RBM6: variants seen among roughly 807,000 people sequenced by gnomAD.
RBM6 encodes RNA-binding protein 6.
RBM6 carries 23 observed loss-of-function variants against 140.4 expected under a neutral mutation model. The observed-to-expected ratio is 0.16, with a 90% confidence interval of 0.12 to 0.23. The LOEUF (loss-of-function observed/expected upper bound fraction) is 0.23, where lower values mean the gene tolerates loss of function less well. Among genes scored for constraint, RBM6 ranks in the 10% least tolerant of loss-of-function variants. The pLI is 1.00. For synonymous variants in RBM6, 439 were observed against 475.6 expected (o/e 0.92, Z 1.00); for missense variants, 1,139 against 1,386.7 (o/e 0.82, Z 2.84).
chr3:50,048,723 G>A (rs897292668), intron 7 of RBM6, among the ~76,000 whole-genome samples: 1 of 152,042 alleles, frequency 6.6e-6, no homozygotes, highest in Non-Finnish European at 1.5e-5. Flanking sequence ...GGTTTCCAAG[G>A]GTATAGAACT....
chr3:50,003,029 T>C (rs932594824), intron 6 of RBM6, among the ~76,000 whole-genome samples: 8 of 151,926 alleles, frequency 5.3e-5, no homozygotes, highest in African/African-American at 1.9e-4. Flanking sequence ...GGCAGGATAA[T>C]TGCTTGAACC....
At chr3:50,046,015 G>T (rs752756331) in intron 6 of RBM6, among the ~76,000 whole-genome samples, 6 of 152,122 alleles carry the variant, frequency 3.9e-5, no homozygotes, top group Non-Finnish European at 8.8e-5. Flanking sequence ...GGACACAGTG[G>T]CTCACGTCTG....
At chr3:49,991,592 A>G (rs1034080839) in intron 5 of RBM6, among the ~76,000 whole-genome samples, 3 of 152,164 alleles carry the variant, frequency 2.0e-5, no homozygotes, top group African/African-American at 7.2e-5. Flanking sequence ...CCTGGGACAG[A>G]CCAAGTATCT....
chr3:49,987,988 A>C (rs2085643859), intron 5 of RBM6, among the ~76,000 whole-genome samples: 1 of 152,186 alleles, frequency 6.6e-6, no homozygotes, highest in Admixed American at 6.5e-5. Flanking sequence ...TGTTTAGAAC[A>C]ATCTGAAACC....
chr3:49,976,451 A>G (rs2085067109), intron 5 of RBM6, among the ~76,000 whole-genome samples: 1 of 152,240 alleles, frequency 6.6e-6, no homozygotes, highest in Non-Finnish European at 1.5e-5. Context: ...TGTTTTAAAA[A>G]CATCAACCCT....
chr3:50,012,326 G>T (rs2086886837), intron 6 of RBM6, among the ~76,000 whole-genome samples: 1 of 151,874 alleles, frequency 6.6e-6, no homozygotes, highest in African/African-American at 2.4e-5. Flanking sequence ...GGGATTACAG[G>T]CATGAACCAC....
At chr3:50,070,079 G>A (rs2240329) in intron 18 of RBM6, among the ~76,000 whole-genome samples, 79,450 of 151,958 alleles carry the variant, frequency 0.52, 21,471 homozygotes, top group East Asian at 0.86. Context: ...TAACAAGGCC[G>A]GGTGCGGTGG....
At chr3:50,039,730 A>G (rs1483345176) in intron 6 of RBM6, among the ~76,000 whole-genome samples, 1 of 152,184 alleles carries the variant, frequency 6.6e-6, no homozygotes, top group Non-Finnish European at 1.5e-5. Flanking sequence ...ATAAATTGTA[A>G]GAAGCAATCT....
rs2083799020 is a variant in RBM6 at position 49,952,817 on chromosome 3, G to T, written c.-66-9759G>T. The stretch of plus-strand genomic sequence containing the variant: ...CTGGCTTATTTTTCTTTTTGTTACT[G>T]AGTTGAAATCATTTTTTATATATTT... On this transcript the variant is annotated intron_variant, in intron 1 of 20. Transcript: ENST00000266022. 2.0e-5 allele frequency among the ~76,000 whole-genome samples: 3 copies of T among 152,064 alleles called. No homozygotes were observed. In the South Asian group the frequency reaches 6.2e-4, roughly 32 times the overall value.
At chr3:49,947,804 G>A (rs2083560755) in intron 1 of RBM6, among the ~76,000 whole-genome samples, 1 of 152,158 alleles carries the variant, frequency 6.6e-6, no homozygotes, top group South Asian at 2.1e-4. Flanking sequence ...TCAGTTTTCG[G>A]AGTACCATTT....
At chr3:50,049,299 A>G (rs1424880759) in intron 7 of RBM6, among the ~76,000 whole-genome samples, 2 of 151,666 alleles carry the variant, frequency 1.3e-5, no homozygotes, top group Non-Finnish European at 2.9e-5. Flanking sequence ...TTTAGTAGAG[A>G]TGGGGTTTCA....
intron 1 of RBM6, among the ~76,000 whole-genome samples, chr3:49,957,835 C>CTTT (rs367565471): frequency 2.1e-5 from 3 of 143,544 alleles, no homozygotes; most frequent in East Asian, 2.0e-4. Context: ...ATCTTTCTTT[C>CTTT]TTTTTTTTTT....
intron 7 of RBM6, among the ~76,000 whole-genome samples, chr3:50,049,586 TTGTTAGTCTCGGTAGAATTGACATTG>T (rs1372485389): frequency 5.9e-5 from 9 of 152,182 alleles, no homozygotes; most frequent in Admixed American, 5.2e-4. Context: ...AGCTTGACAT[TTGTTAGTCTCGGTAGAATTGACATTG>T]TGTTAGTCTC....
chr3:50,008,328 C>T (rs769066533), intron 6 of RBM6, among the ~76,000 whole-genome samples: 1 of 152,070 alleles, frequency 6.6e-6, no homozygotes, highest in Non-Finnish European at 1.5e-5. Flanking sequence ...TAGTTTAGTT[C>T]TTAATTTGTT....
In RBM6 at chr3:49,988,997, G is replaced by T. The variant is rs191662559; in HGVS notation, c.1484-10443G>T. ...GTCCAGGAGCTGTGTTGAGTGGGCT[G>T]TGGACTAGCAGGAATTCATAGCTCT... On this transcript the variant is annotated intron_variant, in intron 5 of 20. Transcript: ENST00000266022. Among the ~76,000 whole-genome samples the T allele has an allele frequency of 6.6e-5, 10 of 152,208 alleles. 1 individual carries two copies. Among genetic ancestry groups the T allele is most frequent in the South Asian group, 6.2e-4 (3 of 4,818 alleles).
At chr3:49,982,397 C>G (rs1242096451) in intron 5 of RBM6, among the ~76,000 whole-genome samples, 1 of 151,242 alleles carries the variant, frequency 6.6e-6, no homozygotes, top group Non-Finnish European at 1.5e-5. Flanking sequence ...CGTGTGCCAC[C>G]ATGCCTGGTT....
intron 6 of RBM6, among the ~76,000 whole-genome samples, chr3:50,014,998 G>A (rs959912984): frequency 2.4e-5 from 3 of 125,748 alleles, no homozygotes; most frequent in East Asian, 2.6e-4. Context: ...GCGGTGAGCC[G>A]AGATCACGCC....
At chr3:50,059,877 T>C in intron 11 of RBM6, 131 bp downstream of exon 11, 1 of 638,514 alleles carries the variant, frequency 1.6e-6, no homozygotes, top group South Asian at 2.3e-5. Context: ...TAGGTGTTTA[T>C]TACAGTTTCT....
rs1323502878 is a variant in RBM6, at chr3:49,962,698, A to G, written c.44+13A>G. 4 of 1,563,698 alleles carry G rather than the reference A, an allele frequency of 2.6e-6. No individual in the cohort carries two copies. The highest frequency in any genetic ancestry group is 3.4e-6 in the Non-Finnish European group (4 of 1,161,040). On this transcript the variant is annotated intron_variant, in intron 2 of 20. Coordinates refer to ENST00000266022, the MANE Select transcript of RBM6 (RefSeq NM_005777.3). ...CTGGACCTTTTCGGTAAGTTCTCAAATTTGAATATTGAAATTGCCAGTATT... is the reference window on the plus strand; with the variant it reads ...CTGGACCTTTTCGGTAAGTTCTCAAGTTTGAATATTGAAATTGCCAGTATT...
Sources: allele counts gnomAD v4.1 joint callset (sites outside exome capture counted in the v4.1 genomes callset), GRCh38; gene constraint gnomAD v4.1.1; transcripts MANE v1.5; gene names NCBI Gene and HGNC (gene_info 2026-07-23, HGNC 2026-07-21).